PYROXD1: variants seen among roughly 807,000 people sequenced by gnomAD.
PYROXD1 encodes the protein pyridine nucleotide-disulphide oxidoreductase domain 1, also known as tRNA ligase complex-associated NAD(P)H dehydrogenase PYROXD1.
PYROXD1 carries 42 observed loss-of-function variants against 62.0 expected under a neutral mutation model. The observed-to-expected ratio is 0.68, with a 90% confidence interval of 0.53 to 0.88. The LOEUF is 0.88. Among genes scored for constraint, PYROXD1 ranks in the 40% least tolerant of loss-of-function variants. The probability of loss-of-function intolerance (pLI) is 0.00; values close to 1 mark genes in which losing one functional copy is unlikely to be tolerated. For missense variants in PYROXD1, 493 were observed against 604.8 expected (o/e 0.82, Z 1.94); for synonymous variants, 170 against 206.4 (o/e 0.82, Z 1.51).
At chr12:21,465,636 G>A (rs190047484) in intron 10 of PYROXD1, among the ~76,000 whole-genome samples, 2,185 of 150,932 alleles carry the variant, frequency 0.014, 27 homozygotes, top group Middle Eastern at 0.045. Context: ...CTCTGATGGT[G>A]GTTTCTTTTA....
In PYROXD1 at chr12:21,462,748, A is replaced by G. The variant is rs907530649; in HGVS notation, c.1002A>G (p.Leu334=). 4 of 1,613,758 alleles carry G rather than the reference A, an allele frequency of 2.5e-6. No individual in the cohort carries two copies. In the African/African-American group the frequency reaches 5.3e-5, roughly 22 times the overall value. ...EPFLHGNSFD[L]GEDGGLKVDD... is the part of the protein sequence containing the mutation. ...TGAGGAATGTTGTTTAGTTTGATCT[A>G]GGAGAAGATGGTGGCCTGAAAGTGG... Residue 334 remains leucine, a synonymous_variant, in exon 10 of 12, where the codon CTA becomes CTG. Coordinates refer to ENST00000240651, the MANE Select transcript of PYROXD1 (RefSeq NM_024854.5).
At chr12:21,459,430 G>A (rs1023009940) in intron 7 of PYROXD1, among the ~76,000 whole-genome samples, 2 of 152,130 alleles carry the variant, frequency 1.3e-5, no homozygotes, top group Non-Finnish European at 2.9e-5. Context: ...CTGTTTCTTC[G>A]TGACATCCTT....
At chr12:21,459,479 A>G (rs1184889826) in intron 7 of PYROXD1, among the ~76,000 whole-genome samples, 1 of 152,190 alleles carries the variant, frequency 6.6e-6, no homozygotes, top group African/African-American at 2.4e-5. Context: ...TGTTTCCCCA[A>G]ATTCTGTGAG....
intron 6 of PYROXD1, 35 bp from the exon 7 acceptor site, chr12:21,455,960 G>A: frequency 7.4e-7 from 1 of 1,357,492 alleles, no homozygotes; most frequent in Non-Finnish European, 1.0e-6. Context: ...TTCTCTATCT[G>A]GTAATTTTTA....
At position 21,452,120 on chromosome 12, in the gene PYROXD1, A is replaced by T; in HGVS notation, c.454A>T (p.Ile152Phe). 1 of 1,588,648 alleles carries T rather than the reference A, an allele frequency of 6.3e-7. No homozygotes were observed. Among genetic ancestry groups the T allele is most frequent in the Non-Finnish European group, 8.6e-7 (1 of 1,166,896 alleles). The change falls in exon 5 of 12, where the codon ATC (isoleucine) becomes TTC (phenylalanine). Residue 152 changes from isoleucine to phenylalanine, a missense_variant. Transcript: ENST00000240651. ...GCTTACTAAAGCTAAAAGAATAATG[A>T]TCATAGGGAACGGTGGTATTGCACT... ...KQLTKAKRIM[I>F]IGNGGIALEL... is the part of the protein sequence containing the mutation.
At chr12:21,466,622 A>G (rs1401223355) in intron 10 of PYROXD1, among the ~76,000 whole-genome samples, 1 of 152,124 alleles carries the variant, frequency 6.6e-6, no homozygotes, top group East Asian at 1.9e-4. Context: ...GGACAATTTG[A>G]CTTCCTCTTT....
In PYROXD1 at chr12:21,443,705, A is replaced by G. The variant is rs114299268; in HGVS notation, c.166-1642A>G. 5.6e-3 allele frequency among the ~76,000 whole-genome samples: 853 copies of G among 152,302 alleles called. 8 individuals are homozygous for G. Among genetic ancestry groups the G allele is most frequent in the African/African-American group, 0.016 (655 of 41,574 alleles). On this transcript the variant is annotated intron_variant, in intron 2 of 11. Coordinates refer to ENST00000240651, the MANE Select transcript of PYROXD1 (RefSeq NM_024854.5). ...TTCTTCCCACCCTTCAGTGAAGACT[A>G]CTACCATAGCCCTTCATTTAATACG... is the stretch of plus-strand genomic sequence containing the variant.
intron 10 of PYROXD1, among the ~76,000 whole-genome samples, chr12:21,465,784 G>T (rs1267928510): frequency 6.6e-6 from 1 of 151,974 alleles, no homozygotes; most frequent in East Asian, 1.9e-4. Flanking sequence ...TTCTTCTAGG[G>T]TTTTTATGGT....
At chr12:21,439,472 A>T (rs738028) in intron 1 of PYROXD1, among the ~76,000 whole-genome samples, 74,852 of 151,962 alleles carry the variant, frequency 0.49, 18,499 homozygotes, top group Middle Eastern at 0.59. Flanking sequence ...TGAGACTGAG[A>T]AGAATCGCAT....
intron 1 of PYROXD1, among the ~76,000 whole-genome samples, chr12:21,440,069 A>G (rs1233549161): frequency 1.3e-5 from 2 of 152,228 alleles, no homozygotes; most frequent in Non-Finnish European, 2.9e-5. Flanking sequence ...ATAACTCTAA[A>G]TTGGTATAAA....
At position 21,455,989 on chromosome 12, in the gene PYROXD1, C is replaced by G; in HGVS notation, c.650-6C>G. ...ATTTTTATATTATTTAATTTCATCTCTTTAGGAAGGAAAAAGGAAGCTAGA... is the reference window on the plus strand; with the variant it reads ...ATTTTTATATTATTTAATTTCATCTGTTTAGGAAGGAAAAAGGAAGCTAGA... On this transcript the variant is annotated splice_polypyrimidine_tract_variant and splice_region_variant and intron_variant, in intron 6 of 11. Coordinates refer to ENST00000240651, the MANE Select transcript of PYROXD1 (RefSeq NM_024854.5). The G allele has an allele frequency of 1.3e-6, 2 of 1,574,624 alleles. No homozygotes were observed. Among genetic ancestry groups the G allele is most frequent in the South Asian group, 2.3e-5 (2 of 88,660 alleles).
chr12:21,452,690 A>G (rs1241372027), intron 5 of PYROXD1, among the ~76,000 whole-genome samples: 1 of 152,042 alleles, frequency 6.6e-6, no homozygotes, highest in South Asian at 2.1e-4. Context: ...TCTTAAGACG[A>G]TATTACAAGT....
At chr12:21,451,184 A>G (rs1307124316) in intron 4 of PYROXD1, among the ~76,000 whole-genome samples, 3 of 151,582 alleles carry the variant, frequency 2.0e-5, no homozygotes, top group Non-Finnish European at 4.4e-5. Flanking sequence ...GGACTATTCT[A>G]TACTTCTGAA....
intron 7 of PYROXD1, 64 bp from the exon 8 acceptor site, chr12:21,460,961 T>C: frequency 9.5e-7 from 1 of 1,051,194 alleles, no homozygotes. Flanking sequence ...TTTTTCTTCA[T>C]CATTAGTAAC....
chr12:21,448,764 A>G (rs1942438946), intron 3 of PYROXD1, among the ~76,000 whole-genome samples: 1 of 152,200 alleles, frequency 6.6e-6, no homozygotes, highest in African/African-American at 2.4e-5. Flanking sequence ...TTATGTTTAA[A>G]TGTTTTCTAA....
At chr12:21,441,097 A>G (rs943969433) in intron 2 of PYROXD1, 3 of 152,202 alleles carry the variant, frequency 2.0e-5, no homozygotes, top group African/African-American at 7.2e-5. Context: ...ATCTTGGCTC[A>G]CTGCAAGCTC....
intron 1 of PYROXD1, among the ~76,000 whole-genome samples, chr12:21,439,455 A>C (rs1256732225): frequency 6.6e-6 from 1 of 152,176 alleles, no homozygotes; most frequent in Non-Finnish European, 1.5e-5. Context: ...AGAAAGTTCA[A>C]ATAAAATGAG....
At chr12:21,466,777 C>T (rs2137290884) in intron 10 of PYROXD1, among the ~76,000 whole-genome samples, 1 of 152,198 alleles carries the variant, frequency 6.6e-6, no homozygotes, top group South Asian at 2.1e-4. Flanking sequence ...TTTGTTCATT[C>T]AGTATGATAT....
chr12:21,447,758 G>C, intron 3 of PYROXD1: 1 of 166,682 alleles, frequency 6.0e-6, no homozygotes, highest in East Asian at 1.9e-4. Flanking sequence ...AGGCCTTGGC[G>C]GGTGGATCAC....
Sources: gnomAD v4.1 joint callset for allele counts (sites outside exome capture counted in the v4.1 genomes callset) on GRCh38, gnomAD v4.1.1 for gene constraint, MANE v1.5 for transcripts, NCBI Gene and HGNC (gene_info 2026-07-23, HGNC 2026-07-21) for gene names.